Variants in FRMD8 observed in about 807,000 individuals in gnomAD.
FRMD8 encodes FERM domain-containing protein 8.
A neutral mutation model predicts 54.2 loss-of-function variants in FRMD8; 37 were observed. The observed-to-expected ratio is 0.68, with a 90% CI of 0.53 to 0.90. FRMD8 has a LOEUF of 0.90. FRMD8 is among the 40% of genes least tolerant of loss of function. The pLI is 0.00. For missense variants in FRMD8, 585 were observed against 653.7 expected, an observed-to-expected ratio of 0.89 and a Z score of 1.15; for synonymous variants, 246 against 286.9, an observed-to-expected ratio of 0.86 and a Z score of 1.44.
At chr11:65,389,274 C>G in intron 2 of FRMD8, 87 bp from the exon 3 acceptor site, 1 of 1,342,746 alleles carries the variant, frequency 7.4e-7, no homozygotes. Flanking sequence ...GGCTCCAGCC[C>G]CAGTGGGTGG....
At chr11:65,389,989 A>C (rs1030036069) in intron 3 of FRMD8, among the ~76,000 whole-genome samples, 1 of 152,184 alleles carries the variant, frequency 6.6e-6, no homozygotes, top group Non-Finnish European at 1.5e-5. Context: ...CCCAGGCCTG[A>C]GTGGCTTCCC....
In FRMD8 at chr11:65,400,683, G is replaced by C. The variant is rs1317462018; in HGVS notation, c.928-41G>C. ...GGGATGGGGTGGGGAGCAGACCTCT[G>C]CCCAGGGGTCAAGCCTGGCTCTGTG... On this transcript the variant is annotated intron_variant, in intron 8 of 10. Coordinates refer to ENST00000317568, the MANE Select transcript of FRMD8 (RefSeq NM_031904.5). The surrounding 1 kb of genome is among the most constrained non-coding windows in gnomAD (Gnocchi z 4.3). 1.3e-6 allele frequency: 2 copies of C among 1,521,582 alleles called. No individual in the cohort carries two copies. Among genetic ancestry groups the C allele is most frequent in the African/African-American group, 2.7e-5 (2 of 73,266 alleles). 94.3% of individuals were successfully genotyped at this position (1,521,582 alleles called of 1,614,324 possible).
At position 65,396,975 on chromosome 11, in the gene FRMD8, A is replaced by G; in HGVS notation, c.758A>G (p.His253Arg). Residue 253 changes from histidine (H) to arginine (R), a missense_variant, in exon 7 of 11, where the codon CAC (histidine) becomes CGC (arginine). Physicochemically the swap from His to Arg is conservative, Grantham distance 29. Coordinates refer to ENST00000317568, the MANE Select transcript of FRMD8 (RefSeq NM_031904.5). ...GGGTGCGAGGCCGCCCTGGGCACCC[A>G]CTACCGCGCCTATCTCCTCAAGTGC... ...DGGCEAALGT[H>R]YRAYLLKCHE... is the part of the protein sequence containing the mutation. 6.7e-7 allele frequency: 1 copy of G among 1,492,444 alleles called. No homozygotes were observed. Among genetic ancestry groups the G allele is most frequent in the Non-Finnish European group, 8.9e-7 (1 of 1,117,516 alleles). 92.5% of individuals were successfully genotyped at this position (1,492,444 alleles called of 1,614,324 possible).
chr11:65,404,923 C>T lies in FRMD8; in HGVS notation c.1131C>T (p.Pro377=), dbSNP rs142592960. The change falls in exon 10 of 11, where the codon CCC becomes CCT. Residue 377 remains proline (P), a synonymous_variant. Transcript: ENST00000317568. The surrounding 1 kb of genome is among the most constrained non-coding windows in gnomAD (Gnocchi z 4.7). ...TCGAACTGAGCCAGGCGGCGGAGCC[C>T]GCAGGCCCCCAGGACAGTGCGACTG... The part of the protein sequence containing the change: ...YCIELSQAAE[P]AGPQDSATGS... 1,896 of 1,613,144 alleles carry T rather than the reference C, an allele frequency of 1.2e-3. 5 individuals are homozygous for T. The highest frequency in any genetic ancestry group is 1.5e-3 in the Non-Finnish European group (1,793 of 1,180,020).
In FRMD8 at chr11:65,400,544, G is replaced by C. The variant is rs941950094; in HGVS notation, c.928-180G>C. ...GGGAGAGGGGATCTCAGCTTCCCTGGACCACAGCCCCTGGCAGGCTCTGAT... is the reference window on the plus strand; with the variant it reads ...GGGAGAGGGGATCTCAGCTTCCCTGCACCACAGCCCCTGGCAGGCTCTGAT... On this transcript the variant is annotated intron_variant, in intron 8 of 10. Coordinates refer to ENST00000317568, the MANE Select transcript of FRMD8 (RefSeq NM_031904.5). This position sits in a 1 kb window ranked among gnomAD's most constrained non-coding sequence, Gnocchi z 4.3. Among the ~76,000 whole-genome samples, 2 of 152,182 alleles carry C rather than the reference G, an allele frequency of 1.3e-5. No individual in the cohort carries two copies. Among genetic ancestry groups the C allele is most frequent in the African/African-American group, 4.8e-5 (2 of 41,450 alleles).
the FRMD8 span, among the ~76,000 whole-genome samples, chr11:65,374,415 T>G: frequency 1.3e-5 from 2 of 152,052 alleles, no homozygotes; most frequent in Non-Finnish European, 2.9e-5. Context: ...ATTGTATGAT[T>G]TACCCGCGGT....
At chr11:65,402,658 T>C (rs1014264717) in intron 9 of FRMD8, among the ~76,000 whole-genome samples, 5 of 152,214 alleles carry the variant, frequency 3.3e-5, no homozygotes, top group Admixed American at 1.3e-4. Context: ...AGGATTTTTA[T>C]TGAGATCGCA....
At chr11:65,405,114 G>A (rs113532774) in intron 10 of FRMD8, 46 bp downstream of exon 10, 40 of 1,563,070 alleles carry the variant, frequency 2.6e-5, no homozygotes, top group African/African-American at 1.9e-4. Flanking sequence ...ACGCATGCGC[G>A]TGCACACACC....
In FRMD8 at chr11:65,406,169, A is replaced by G. The variant is rs1590660413; in HGVS notation, c.1276+1101A>G. On this transcript the variant is annotated intron_variant, in intron 10 of 10. Transcript: ENST00000317568. Reference sequence around the variant, plus strand: ...CAACCTCCCGAGTAGCTGGGACTACAGGTGTGTGCCACCACACCCGGCTAA... The same window carrying G: ...CAACCTCCCGAGTAGCTGGGACTACGGGTGTGTGCCACCACACCCGGCTAA... Among the ~76,000 whole-genome samples the G allele has an allele frequency of 4.7e-5, 7 of 149,400 alleles. No homozygotes were observed. In the South Asian group the frequency reaches 1.5e-3, roughly 32 times the overall value.
intron 10 of FRMD8, among the ~76,000 whole-genome samples, chr11:65,406,150 C>T (rs1006505474): frequency 6.6e-6 from 1 of 151,308 alleles, no homozygotes. Context: ...GCCTCAACCT[C>T]CCGAGTAGCT....
chr11:65,400,880 G>A lies in FRMD8; in HGVS notation c.1071+13G>A. 6.3e-7 allele frequency: 1 copy of A among 1,590,596 alleles called. No individual in the cohort carries two copies. ...CTACTCCAAGCAGGTAGCGCGGGTG[G>A]TGCCTGCACACGGGTGGGGAGGCTG... is the stretch of plus-strand genomic sequence containing the variant. On this transcript the variant is annotated intron_variant, in intron 9 of 10. Coordinates refer to ENST00000317568, the MANE Select transcript of FRMD8 (RefSeq NM_031904.5). This position sits in a 1 kb window ranked among gnomAD's most constrained non-coding sequence, Gnocchi z 4.3.
chr11:65,390,644 G>A (rs1186987064), intron 3 of FRMD8, among the ~76,000 whole-genome samples: 2 of 150,532 alleles, frequency 1.3e-5, no homozygotes, highest in Admixed American at 6.6e-5. Flanking sequence ...CCGGCTCCTC[G>A]GCCACCTCAT....
At chr11:65,398,704 A>G (rs1393567367) in intron 7 of FRMD8, among the ~76,000 whole-genome samples, 2 of 152,160 alleles carry the variant, frequency 1.3e-5, no homozygotes, top group African/African-American at 2.4e-5. Flanking sequence ...GTGACAGCCC[A>G]TGTGTGCTGA....
At chr11:65,377,160 G>T in the FRMD8 span, 7 of 1,505,430 alleles carry the variant, frequency 4.6e-6, no homozygotes, top group Non-Finnish European at 5.3e-6. Context: ...AAGGAGGCAG[G>T]CAGGGGGCCA....
At chr11:65,382,834 C>G (rs1278051993), upstream of FRMD8, 3 of 152,326 alleles carry the variant, frequency 2.0e-5, no homozygotes, top group East Asian at 3.9e-4. This position sits in a 1 kb window ranked among gnomAD's most constrained non-coding sequence, Gnocchi z 4.4. Context: ...CACTCTTGCC[C>G]TGGCACCCCT....
chr11:65,379,280 C>T, the FRMD8 span: 1 of 1,444,348 alleles, frequency 6.9e-7, no homozygotes, highest in Non-Finnish European at 9.5e-7. Flanking sequence ...AGGCCTATGC[C>T]TCCACAGCTG....
Position 65,404,009 on chromosome 11 carries a change from G to A in FRMD8, c.1072-855G>A, listed in dbSNP as rs974116182. ...GGACTGAGCTGAGGGCAGGGAGCGT[G>A]GAGAGCCCACCAGGCCTCTGCTCTT... On this transcript the variant is annotated intron_variant, in intron 9 of 10. Transcript: ENST00000317568. This position sits in a 1 kb window ranked among gnomAD's most constrained non-coding sequence, Gnocchi z 4.7. 6.6e-6 allele frequency among the ~76,000 whole-genome samples: 1 copy of A among 152,130 alleles called. No homozygotes were observed. Among genetic ancestry groups the A allele is most frequent in the Non-Finnish European group, 1.5e-5 (1 of 68,006 alleles).
intron 3 of FRMD8, among the ~76,000 whole-genome samples, chr11:65,390,625 C>T (rs1855825516): frequency 6.6e-6 from 1 of 151,886 alleles, no homozygotes; most frequent in African/African-American, 2.4e-5. Context: ...CCACCCTCTT[C>T]CTGCTGCCCC....
the FRMD8 span, chr11:65,379,910 C>A: frequency 6.2e-7 from 1 of 1,614,216 alleles, no homozygotes; most frequent in Non-Finnish European, 8.5e-7. Flanking sequence ...AACGATGCCC[C>A]GGTAGGTGGT....
Sources: allele counts gnomAD v4.1 joint callset (sites outside exome capture counted in the v4.1 genomes callset), GRCh38; gene constraint gnomAD v4.1.1; non-coding constraint Gnocchi (gnomAD v3.1); transcripts MANE v1.5; gene names NCBI Gene and HGNC (gene_info 2026-07-23, HGNC 2026-07-21).